The following KBTBD11 variants were observed in gnomAD, a reference collection of about 807,000 sequenced individuals.
KBTBD11 encodes kelch repeat and BTB domain-containing protein 11.
For missense variants in KBTBD11, 1,390 were observed against 1,001.8 expected, an observed-to-expected ratio of 1.39 and a Z score of -5.23; for synonymous variants, 747 against 499.0, an observed-to-expected ratio of 1.50 and a Z score of -6.63.
Position 2,003,311 on chromosome 8 carries a change from G to A in KBTBD11, c.*247G>A. On this transcript the variant is annotated 3_prime_UTR_variant, in exon 2 of 2. Transcript: ENST00000320248. ...TGCGGATGGGTCCCTTGACAGACAG[G>A]ACACAGAGAAGGCTGTGGGATCCAA... is the stretch of plus-strand genomic sequence containing the variant. The A allele has an allele frequency of 2.2e-6, 1 of 455,898 alleles. No individual in the cohort carries two copies. 28.2% of individuals were successfully genotyped at this position (455,898 alleles called of 1,614,324 possible).
rs1472811369 is a variant in KBTBD11, at chr8:2,001,682, T to C, written c.490T>C (p.Tyr164His). 1 of 1,447,828 alleles carries C rather than the reference T, an allele frequency of 6.9e-7. No homozygotes were observed. Among genetic ancestry groups the C allele is most frequent in the Non-Finnish European group, 9.0e-7 (1 of 1,105,234 alleles). The allele number at this position is 1,447,828 out of a possible 1,614,324, so 89.7% of individuals were successfully genotyped here. Residue 164 changes from tyrosine (Y) to histidine (H), a missense_variant, in exon 2 of 2, where the codon TAC (tyrosine) becomes CAC (histidine). By Grantham distance (83) the Tyr-to-His change is moderately conservative (BLOSUM62 2). Transcript: ENST00000320248. The stretch of plus-strand genomic sequence containing the variant: ...GGCGGTGCTGGCGGCGCGCAGCGAC[T>C]ACTTCCGCGCGCGCGCGTCGCGGGA... ...HKAVLAARSD[Y>H]FRARASRDVL...
intron 1 of KBTBD11, among the ~76,000 whole-genome samples, chr8:1,988,745 G>A (rs1291255714): frequency 2.0e-5 from 3 of 152,186 alleles, no homozygotes; most frequent in African/African-American, 7.2e-5. Flanking sequence ...CATGGGGCTG[G>A]GACCAAGTCT....
chr8:1,991,358 G>T (rs1161639075), intron 1 of KBTBD11, among the ~76,000 whole-genome samples: 1 of 152,242 alleles, frequency 6.6e-6, no homozygotes, highest in Non-Finnish European at 1.5e-5. Flanking sequence ...ATCCCCGCAC[G>T]CTAGCCTAAG....
chr8:1,974,504 G>T, intron 1 of KBTBD11: 1 of 985,076 alleles, frequency 1.0e-6, no homozygotes, highest in Non-Finnish European at 1.2e-6. Context: ...TGGACTCGGG[G>T]CCCTGGGGAG....
In KBTBD11 at chr8:2,002,537, G is replaced by A. The variant is rs778348268; in HGVS notation, c.1345G>A (p.Ala449Thr). ...GCTGCCCCGGGGCGCCTTCGCCGTGGCGCATGAGGCCACCACCTGCCACGG... is the reference window on the plus strand; with the variant it reads ...GCTGCCCCGGGGCGCCTTCGCCGTGACGCATGAGGCCACCACCTGCCACGG... ...APLPRGAFAV[A>T]HEATTCHGEI... The change falls in exon 2 of 2, where the codon GCG becomes ACG. Residue 449 changes from alanine (A) to threonine (T), a missense_variant. Ala to Thr is a moderately conservative substitution (Grantham distance 58, BLOSUM62 0). Transcript: ENST00000320248. The surrounding 1 kb of genome is among the most constrained non-coding windows in gnomAD (Gnocchi z 4.1). 1.1e-5 allele frequency: 17 copies of A among 1,555,920 alleles called. No homozygotes were observed. In the South Asian group the frequency reaches 2.0e-4, roughly 18 times the overall value.
At position 2,002,525 on chromosome 8, in the gene KBTBD11, G is replaced by C; in HGVS notation, c.1333G>C (p.Ala445Pro). 1.3e-6 allele frequency: 2 copies of C among 1,535,714 alleles called. No homozygotes were observed. Among genetic ancestry groups the C allele is most frequent in the Non-Finnish European group, 1.7e-6 (2 of 1,152,340 alleles). ...WAPVAPLPRG[A>P]FAVAHEATTC... ...CCCCGTGGCGCCGCTGCCCCGGGGC[G>C]CCTTCGCCGTGGCGCATGAGGCCAC... The change falls in exon 2 of 2, where the codon GCC (alanine) becomes CCC (proline). Residue 445 changes from alanine (A) to proline (P), a missense_variant. By Grantham distance (27) the Ala-to-Pro change is conservative (BLOSUM62 -1). Transcript: ENST00000320248. The surrounding 1 kb of genome is among the most constrained non-coding windows in gnomAD (Gnocchi z 4.1).
At chr8:1,989,219 A>G (rs966387782) in intron 1 of KBTBD11, among the ~76,000 whole-genome samples, 16 of 152,108 alleles carry the variant, frequency 1.1e-4, no homozygotes, top group African/African-American at 3.1e-4. Context: ...TCCTATTTCA[A>G]CGTGTTCTCA....
intron 1 of KBTBD11, among the ~76,000 whole-genome samples, chr8:1,994,600 C>G (rs958669818): frequency 3.3e-5 from 5 of 152,210 alleles, no homozygotes; most frequent in Non-Finnish European, 7.3e-5. Flanking sequence ...CACAACACCT[C>G]CCTCCCAGAA....
chr8:2,001,686 T>C lies in KBTBD11; in HGVS notation c.494T>C (p.Phe165Ser). The C allele has an allele frequency of 6.9e-7, 1 of 1,442,694 alleles. No homozygotes were observed. Among genetic ancestry groups the C allele is most frequent in the Non-Finnish European group, 9.1e-7 (1 of 1,103,234 alleles). The allele number at this position is 1,442,694 out of a possible 1,614,324, so 89.4% of individuals were successfully genotyped here. ...KAVLAARSDY[F>S]RARASRDVLR... ...GTGCTGGCGGCGCGCAGCGACTACT[T>C]CCGCGCGCGCGCGTCGCGGGACGTG... The change falls in exon 2 of 2, where the codon TTC (phenylalanine) becomes TCC (serine). Residue 165 changes from phenylalanine to serine, a missense_variant. Coordinates refer to ENST00000320248, the MANE Select transcript of KBTBD11 (RefSeq NM_014867.3).
chr8:1,986,210 A>G (rs754113619), intron 1 of KBTBD11, among the ~76,000 whole-genome samples: 1 of 152,196 alleles, frequency 6.6e-6, no homozygotes, highest in Non-Finnish European at 1.5e-5. Context: ...TAAAGCAGCC[A>G]ATGGTCATTG....
Position 1,973,705 on chromosome 8 carries a change from G to C in KBTBD11, c.-1139G>C, listed in dbSNP as rs1816199078. 3 of 983,730 alleles carry C rather than the reference G, an allele frequency of 3.0e-6. No homozygotes were observed. Among genetic ancestry groups the C allele is most frequent in the Non-Finnish European group, 3.6e-6 (3 of 829,282 alleles). 60.9% of individuals were successfully genotyped at this position (983,730 alleles called of 1,614,324 possible). A position where few individuals can be genotyped will look rare whatever the true frequency, so the allele number is the denominator to read the frequency against. On this transcript the variant is annotated 5_prime_UTR_variant, in exon 1 of 2. Coordinates refer to ENST00000320248, the MANE Select transcript of KBTBD11 (RefSeq NM_014867.3). Reference sequence around the variant, plus strand: ...CCCCGCGCGCGCCCCTCGCAGCCTGGAGCCGGAGCGCTGGCTCCGCGCGGC... The same window carrying C: ...CCCCGCGCGCGCCCCTCGCAGCCTGCAGCCGGAGCGCTGGCTCCGCGCGGC...
chr8:2,001,312 C>G lies in KBTBD11; in HGVS notation c.120C>G (p.Ser40=). Residue 40 remains serine (S), a synonymous_variant, in exon 2 of 2, where the codon TCC becomes TCG. Transcript: ENST00000320248. The stretch of plus-strand genomic sequence containing the variant: ...AGACACCCTGCAGTCTCGGCGCGTC[C>G]CTGTGCTTCAGCTCCGGGGAAGAGT... ...PAQTPCSLGA[S]LCFSSGEESP... is the part of the protein sequence containing the mutation. 1.3e-6 allele frequency: 2 copies of G among 1,524,558 alleles called. No homozygotes were observed. The highest frequency in any genetic ancestry group is 1.4e-5 in the African/African-American group (1 of 70,348). The allele number at this position is 1,524,558 out of a possible 1,614,324, so 94.4% of individuals were successfully genotyped here. A position where few individuals can be genotyped will look rare whatever the true frequency, so the allele number is the denominator to read the frequency against.
At chr8:1,977,515 T>C (rs1216678269) in intron 1 of KBTBD11, among the ~76,000 whole-genome samples, 3 of 151,994 alleles carry the variant, frequency 2.0e-5, no homozygotes, top group Admixed American at 6.6e-5. Context: ...GTCAGAACAA[T>C]GATTTTTATT....
intron 1 of KBTBD11, among the ~76,000 whole-genome samples, chr8:1,990,324 G>T (rs1287212749): frequency 6.9e-6 from 1 of 144,290 alleles, no homozygotes; most frequent in Non-Finnish European, 1.5e-5. Context: ...CTGGGCCTTG[G>T]TGCCCTGTCT....
chr8:2,002,347 C>T lies in KBTBD11; in HGVS notation c.1155C>T (p.Tyr385=). The change falls in exon 2 of 2, where the codon TAC becomes TAT. Residue 385 remains tyrosine (Y), a synonymous_variant. Coordinates refer to ENST00000320248, the MANE Select transcript of KBTBD11 (RefSeq NM_014867.3). The surrounding 1 kb of genome is among the most constrained non-coding windows in gnomAD (Gnocchi z 4.1). ...GCCCGTCCGACCAGGTCTTCTGCTA[C>T]AACCCGGCCACGGACAGCTGGAGCG... ...RARPSDQVFC[Y]NPATDSWSAV... is the part of the protein sequence containing the mutation. 2 of 1,462,578 alleles carry T rather than the reference C, an allele frequency of 1.4e-6. No individual in the cohort carries two copies. The highest frequency in any genetic ancestry group is 1.8e-6 in the Non-Finnish European group (2 of 1,112,630). The allele number at this position is 1,462,578 out of a possible 1,614,324, so 90.6% of individuals were successfully genotyped here.
In KBTBD11 at chr8:2,003,112, C is replaced by T. The variant is rs1817461638; in HGVS notation, c.*48C>T. 4 of 1,254,942 alleles carry T rather than the reference C, an allele frequency of 3.2e-6. No individual in the cohort carries two copies. Among genetic ancestry groups the T allele is most frequent in the Non-Finnish European group, 4.0e-6 (4 of 993,624 alleles). 77.7% of individuals were successfully genotyped at this position (1,254,942 alleles called of 1,614,324 possible). On this transcript the variant is annotated 3_prime_UTR_variant, in exon 2 of 2. Transcript: ENST00000320248. The stretch of plus-strand genomic sequence containing the variant: ...TCCCTCGGCAGGGGTTTGCGGGGCC[C>T]AGGTCCCTTTGGGCCCGCGGAGGAG...
chr8:1,979,748 AGTGTGTGGCAGACAGGG>A (rs1181336432), intron 1 of KBTBD11, among the ~76,000 whole-genome samples: 6 of 110,186 alleles, frequency 5.4e-5, no homozygotes, highest in African/African-American at 8.6e-5. Flanking sequence ...GAAAGGGAGA[AGTGTGTGGCAGACAGGG>A]GTGTGTGGCC....
At chr8:1,997,670 C>T (rs1261967450) in intron 1 of KBTBD11, among the ~76,000 whole-genome samples, 2 of 152,246 alleles carry the variant, frequency 1.3e-5, no homozygotes, top group African/African-American at 2.4e-5. Flanking sequence ...ATCTTGGTGT[C>T]AGAAACAACA....
intron 1 of KBTBD11, among the ~76,000 whole-genome samples, chr8:1,998,576 A>G (rs1817228348): frequency 6.6e-6 from 1 of 152,208 alleles, no homozygotes; most frequent in African/African-American, 2.4e-5. Context: ...AGCCAGAGAA[A>G]GAACTAGGGA....
Sources: gnomAD v4.1 joint callset for allele counts (sites outside exome capture counted in the v4.1 genomes callset) on GRCh38, gnomAD v4.1.1 for gene constraint, Gnocchi (gnomAD v3.1) non-coding constraint, MANE v1.5 for transcripts, NCBI Gene and HGNC (gene_info 2026-07-23, HGNC 2026-07-21) for gene names.